The following CDH12 variants were observed in gnomAD, a reference collection of about 807,000 sequenced individuals.
CDH12 encodes cadherin 12, also known as cadherin-12.
Under a neutral mutation model 74.1 loss-of-function variants are expected in CDH12, and 41 were observed. The ratio of observed to expected loss-of-function variants is 0.55; its 90% confidence interval spans 0.43 to 0.72. CDH12 has a LOEUF of 0.72. Among genes scored for constraint, CDH12 ranks in the 30% least tolerant of loss-of-function variants. CDH12 has a pLI of 0.00. For missense variants in CDH12, 945 were observed against 977.2 expected, an observed-to-expected ratio of 0.97 and a Z score of 0.44; for synonymous variants, 399 against 355.0, an observed-to-expected ratio of 1.12 and a Z score of -1.39.
chr5:22,116,434 T>A (rs7349824), intron 4 of CDH12, among the ~76,000 whole-genome samples: 69,912 of 151,880 alleles, frequency 0.46, 16,300 homozygotes, highest in Middle Eastern at 0.52. Flanking sequence ...TGAAACCCCA[T>A]CTCTACTAAA....
chr5:22,167,829 A>C (rs1748774333), intron 4 of CDH12, among the ~76,000 whole-genome samples: 1 of 152,052 alleles, frequency 6.6e-6, no homozygotes, highest in African/African-American at 2.4e-5. Flanking sequence ...TCCATATTCC[A>C]TTTCTAATAG....
At chr5:22,527,580 G>A (rs761850154) in intron 1 of CDH12, among the ~76,000 whole-genome samples, 2 of 152,088 alleles carry the variant, frequency 1.3e-5, no homozygotes, top group Non-Finnish European at 2.9e-5. Context: ...TGTGAGGTCT[G>A]GCTTACAGAG....
chr5:21,982,583 T>C (rs181128812), intron 5 of CDH12, among the ~76,000 whole-genome samples: 7 of 151,752 alleles, frequency 4.6e-5, no homozygotes, highest in East Asian at 1.9e-4. Context: ...CATCTATATA[T>C]AGAGAGATCT....
At chr5:22,106,345 C>T (rs1438441892) in intron 4 of CDH12, among the ~76,000 whole-genome samples, 1 of 152,126 alleles carries the variant, frequency 6.6e-6, no homozygotes, top group Non-Finnish European at 1.5e-5. Context: ...ACTGTCATTT[C>T]ATTTTTATGC....
At chr5:22,388,350 A>C (rs1742090930) in intron 3 of CDH12, among the ~76,000 whole-genome samples, 1 of 152,016 alleles carries the variant, frequency 6.6e-6, no homozygotes, top group South Asian at 2.1e-4. Context: ...ATAATATATT[A>C]AAGAAAAGAG....
intron 1 of CDH12, among the ~76,000 whole-genome samples, chr5:22,786,702 T>C (rs985729138): frequency 6.6e-6 from 1 of 151,844 alleles, no homozygotes; most frequent in Non-Finnish European, 1.5e-5. Context: ...ACATTCTTTT[T>C]TTTTCTTTTT....
chr5:22,148,231 C>T (rs1747337292), intron 4 of CDH12, among the ~76,000 whole-genome samples: 1 of 152,200 alleles, frequency 6.6e-6, no homozygotes, highest in African/African-American at 2.4e-5. Flanking sequence ...TATGTCCCAA[C>T]TGCTCCCTCT....
rs546865428 is a variant in CDH12, at chr5:22,059,293, A to G, written c.231+19153T>C. Among the ~76,000 whole-genome samples the G allele has an allele frequency of 6.6e-3, 877 of 133,432 alleles. 7 individuals carry two copies. The highest frequency in any genetic ancestry group is 0.021 in the African/African-American group (746 of 36,084). 87.5% of individuals were successfully genotyped at this position (133,432 alleles called of 152,430 possible). A position where few individuals can be genotyped will look rare whatever the true frequency, so the allele number is the denominator to read the frequency against. The stretch of plus-strand genomic sequence containing the variant: ...TATCTATCTATCTATCTATCTATCT[A>G]TCATCTATCTATCTATCATCTATCC... On this transcript the variant is annotated intron_variant, in intron 5 of 14. Transcript: ENST00000382254.
At chr5:22,334,105 A>G (rs569993632) in intron 3 of CDH12, among the ~76,000 whole-genome samples, 1 of 152,268 alleles carries the variant, frequency 6.6e-6, no homozygotes, top group Non-Finnish European at 1.5e-5. Flanking sequence ...GTTATTTACT[A>G]TAGTACTGGA....
intron 1 of CDH12, among the ~76,000 whole-genome samples, chr5:22,831,668 G>A (rs1344569781): frequency 1.3e-5 from 2 of 152,112 alleles, no homozygotes; most frequent in African/African-American, 2.4e-5. Context: ...AGCCCGAGGC[G>A]GGTGGATCAC....
At chr5:22,169,810 G>C (rs1216646451) in intron 4 of CDH12, among the ~76,000 whole-genome samples, 4 of 151,880 alleles carry the variant, frequency 2.6e-5, no homozygotes, top group African/African-American at 9.7e-5. Context: ...GAGAAAACCA[G>C]AGTTCTAAAA....
At chr5:22,020,646 C>T (rs367941459) in intron 5 of CDH12, among the ~76,000 whole-genome samples, 16 of 152,032 alleles carry the variant, frequency 1.1e-4, no homozygotes, top group East Asian at 3.9e-4. Flanking sequence ...TGATGATGCT[C>T]ACCTTCTCCC....
At chr5:22,001,862 T>C (rs2150144560) in intron 5 of CDH12, among the ~76,000 whole-genome samples, 1 of 152,246 alleles carries the variant, frequency 6.6e-6, no homozygotes, top group Middle Eastern at 3.4e-3. Flanking sequence ...GGTCCTTTTT[T>C]GATGTTATCA....
chr5:22,816,320 G>A (rs186650796), intron 1 of CDH12, among the ~76,000 whole-genome samples: 3 of 152,260 alleles, frequency 2.0e-5, no homozygotes, highest in Non-Finnish European at 4.4e-5. Context: ...AATCCTGACA[G>A]ATTCAAACCA....
At chr5:22,227,898 T>A (rs1752249945) in intron 3 of CDH12, among the ~76,000 whole-genome samples, 1 of 152,116 alleles carries the variant, frequency 6.6e-6, no homozygotes, top group Admixed American at 6.6e-5. Flanking sequence ...GTGAATGCTT[T>A]CGGATTGTCT....
intron 1 of CDH12, among the ~76,000 whole-genome samples, chr5:22,599,169 C>T (rs770766130): frequency 5.9e-5 from 9 of 152,144 alleles, no homozygotes; most frequent in Non-Finnish European, 1.2e-4. Context: ...CATCTCTGAA[C>T]ATGTCTCTCT....
chr5:22,122,907 T>C (rs548576971), intron 4 of CDH12, among the ~76,000 whole-genome samples: 96 of 152,324 alleles, frequency 6.3e-4, no homozygotes, highest in Non-Finnish European at 1.1e-3. Flanking sequence ...TGGAACTACA[T>C]CAGCTCTCCT....
At position 22,425,172 on chromosome 5, in the gene CDH12, A is replaced by AAT. The variant is rs1491328055; in HGVS notation, c.-427-19823_-427-19822dup. On this transcript the variant is annotated intron_variant, in intron 2 of 14. Transcript: ENST00000382254. ...GTGTGTGTATATATATATATATATA[A>AAT]ATATATATATATATATACTTCTTTC... Among the ~76,000 whole-genome samples the AAT allele has an allele frequency of 4.7e-3, 394 of 83,444 alleles. 2 individuals carry two copies. Among genetic ancestry groups the AAT allele is most frequent in the South Asian group, 0.041 (103 of 2,514 alleles). 54.7% of individuals were successfully genotyped at this position (83,444 alleles called of 152,430 possible). A position where few individuals can be genotyped will look rare whatever the true frequency, so the allele number is the denominator to read the frequency against.
chr5:22,820,820 T>A (rs968955754), intron 1 of CDH12, among the ~76,000 whole-genome samples: 2 of 152,114 alleles, frequency 1.3e-5, no homozygotes, highest in African/African-American at 4.8e-5. Flanking sequence ...GAGGAACCGG[T>A]ACCATTCCTT....
Sources: gnomAD v4.1 joint callset for allele counts (sites outside exome capture counted in the v4.1 genomes callset) on GRCh38, gnomAD v4.1.1 for gene constraint, MANE v1.5 for transcripts, NCBI Gene and HGNC (gene_info 2026-07-23, HGNC 2026-07-21) for gene names.